The following RIMBP2 variants were observed in gnomAD, a reference collection of about 807,000 sequenced individuals.
RIMBP2 encodes RIMS binding protein 2, also known as RIMS-binding protein 2.
Under a neutral mutation model 118.6 loss-of-function variants are expected in RIMBP2, and 48 were observed. The observed-to-expected ratio is 0.40, with a 90% CI of 0.32 to 0.51. The LOEUF (loss-of-function observed/expected upper bound fraction) is 0.51. Among genes scored for constraint, RIMBP2 ranks in the 20% least tolerant of loss-of-function variants. RIMBP2 has a pLI of 0.41. For synonymous variants in RIMBP2, 762 were observed against 742.9 expected, an observed-to-expected ratio of 1.03 and a Z score of -0.42; for missense variants, 1,551 against 1,768.3, an observed-to-expected ratio of 0.88 and a Z score of 2.20.
chr12:130,596,802 C>T lies in RIMBP2; in HGVS notation c.-217+31520G>A, dbSNP rs117065936. On this transcript the variant is annotated intron_variant, in intron 2 of 22. Coordinates refer to ENST00000690449, the MANE Select transcript of RIMBP2 (RefSeq NM_001393629.1). ...CTTCAGTCAGATTTTTCAAAGATAACCAAACCGTATATCTGAACTAAGTAT... is the reference window on the plus strand; with the variant it reads ...CTTCAGTCAGATTTTTCAAAGATAATCAAACCGTATATCTGAACTAAGTAT... 6.1e-3 allele frequency among the ~76,000 whole-genome samples: 929 copies of T among 152,246 alleles called. 3 individuals carry two copies. Among genetic ancestry groups the T allele is most frequent in the Non-Finnish European group, 0.011 (730 of 68,034 alleles).
intron 2 of RIMBP2, among the ~76,000 whole-genome samples, chr12:130,573,137 T>C (rs1221938385): frequency 6.6e-6 from 1 of 152,188 alleles, no homozygotes; most frequent in African/African-American, 2.4e-5. Context: ...GCAGGCCCCC[T>C]ATAGCAATGG....
chr12:130,670,112 T>C lies in RIMBP2; in HGVS notation c.-351-41656A>G, dbSNP rs376449804. Among the ~76,000 whole-genome samples the C allele has an allele frequency of 6.6e-6, 1 of 151,922 alleles. No homozygotes were observed. Among genetic ancestry groups the C allele is most frequent in the Non-Finnish European group, 1.5e-5 (1 of 67,998 alleles). On this transcript the variant is annotated intron_variant, in intron 1 of 22. Transcript: ENST00000690449. This position sits in a 1 kb window ranked among gnomAD's most constrained non-coding sequence, Gnocchi z 4.9. ...AGATACACAGAAGAGGAGAGGGTAA[T>C]GTGACCCCGGGGGCAGACACTGGAG...
chr12:130,476,781 G>C (rs4759695), intron 5 of RIMBP2, among the ~76,000 whole-genome samples: 2 of 152,138 alleles, frequency 1.3e-5, no homozygotes, highest in African/African-American at 2.4e-5. Flanking sequence ...TGACTTGTTC[G>C]TCTTCCTTTT....
At chr12:130,642,809 C>A (rs896017785) in intron 1 of RIMBP2, among the ~76,000 whole-genome samples, 2 of 152,206 alleles carry the variant, frequency 1.3e-5, no homozygotes, top group East Asian at 3.9e-4. Context: ...CACATTGAAG[C>A]TCACACCAGC....
At chr12:130,552,861 C>G (rs1828945) in intron 2 of RIMBP2, among the ~76,000 whole-genome samples, 1 of 152,190 alleles carries the variant, frequency 6.6e-6, no homozygotes, top group Non-Finnish European at 1.5e-5. Context: ...TCAGAGAAAA[C>G]AGGACAGGTC....
chr12:130,455,852 C>G (rs895048567), intron 7 of RIMBP2, among the ~76,000 whole-genome samples: 1 of 152,028 alleles, frequency 6.6e-6, no homozygotes, highest in African/African-American at 2.4e-5. Flanking sequence ...TCAGCCAGGA[C>G]GTAGCACCTC....
At chr12:130,545,340 C>T (rs1265234407) in intron 2 of RIMBP2, among the ~76,000 whole-genome samples, 2 of 152,028 alleles carry the variant, frequency 1.3e-5, no homozygotes, top group Admixed American at 6.6e-5. Context: ...CCAACGTGTG[C>T]CCTACGTGTA....
chr12:130,682,526 C>T (rs998981772), intron 1 of RIMBP2, among the ~76,000 whole-genome samples: 6 of 152,320 alleles, frequency 3.9e-5, no homozygotes, highest in Admixed American at 3.9e-4. Context: ...TCATGCACGG[C>T]GCACCAGGGG....
At position 130,570,431 on chromosome 12, in the gene RIMBP2, A is replaced by G. The variant is rs141117543; in HGVS notation, c.-216-52514T>C. Among the ~76,000 whole-genome samples, 1,324 of 152,292 alleles carry G rather than the reference A, an allele frequency of 8.7e-3. 15 individuals are homozygous for G. The highest frequency in any genetic ancestry group is 0.03 in the African/African-American group (1,265 of 41,552). ...ACAGAGCTAGACTCTGTCTCAAAAA[A>G]AGAGACCAAACAAAAACCCTGAAAT... On this transcript the variant is annotated intron_variant, in intron 2 of 22. Coordinates refer to ENST00000690449, the MANE Select transcript of RIMBP2 (RefSeq NM_001393629.1).
intron 18 of RIMBP2, among the ~76,000 whole-genome samples, chr12:130,413,556 C>T (rs536087633): frequency 2.6e-4 from 38 of 144,252 alleles, no homozygotes; most frequent in Non-Finnish European, 3.9e-4. Context: ...TCACTTGAAC[C>T]TGGGAAACAG....
intron 4 of RIMBP2, among the ~76,000 whole-genome samples, chr12:130,483,315 G>A (rs187750913): frequency 2.0e-5 from 3 of 152,196 alleles, no homozygotes; most frequent in African/African-American, 7.2e-5. Flanking sequence ...GTGTGTACAC[G>A]GGTCAGCAGT....
intron 6 of RIMBP2, among the ~76,000 whole-genome samples, chr12:130,457,677 G>A (rs922198210): frequency 1.3e-5 from 2 of 152,208 alleles, no homozygotes; most frequent in African/African-American, 2.4e-5. Flanking sequence ...TGGGCTATTC[G>A]TTTCTTGTCG....
At chr12:130,705,120 T>G (rs2632606) in intron 1 of RIMBP2, among the ~76,000 whole-genome samples, 1 of 151,884 alleles carries the variant, frequency 6.6e-6, no homozygotes, top group African/African-American at 2.4e-5. Context: ...CTCCTCTCCG[T>G]GGCCACATTG....
chr12:130,595,021 G>A (rs978239626), intron 2 of RIMBP2, among the ~76,000 whole-genome samples: 4 of 152,172 alleles, frequency 2.6e-5, no homozygotes, highest in East Asian at 1.9e-4. Context: ...CACTGCCTTC[G>A]TTATTAAGGC....
At chr12:130,656,204 T>C (rs1468250921) in intron 1 of RIMBP2, among the ~76,000 whole-genome samples, 2 of 152,094 alleles carry the variant, frequency 1.3e-5, no homozygotes, top group African/African-American at 4.8e-5. Context: ...AAGATGGTTC[T>C]TAAAGGGGTT....
At chr12:130,458,823 T>C (rs1310485053) in intron 6 of RIMBP2, among the ~76,000 whole-genome samples, 1 of 152,018 alleles carries the variant, frequency 6.6e-6, no homozygotes, top group African/African-American at 2.4e-5. Flanking sequence ...GGTGGGCGGA[T>C]CACCTGAGCT....
intron 11 of RIMBP2, 80 bp from the exon 12 acceptor site, chr12:130,438,596 A>T: frequency 1.6e-6 from 2 of 1,238,234 alleles, no homozygotes; most frequent in Non-Finnish European, 2.2e-6. Flanking sequence ...TGCCCATCTC[A>T]CCTGGAAACG....
At chr12:130,478,852 T>C in intron 5 of RIMBP2, 60 bp downstream of exon 5, 8 of 1,278,854 alleles carry the variant, frequency 6.3e-6, no homozygotes, top group East Asian at 2.3e-5. Context: ...ACACCAGGGA[T>C]CCCCGGCCCA....
intron 2 of RIMBP2, among the ~76,000 whole-genome samples, chr12:130,592,722 T>C (rs2059346446): frequency 6.7e-6 from 1 of 150,178 alleles, no homozygotes; most frequent in South Asian, 2.1e-4. Context: ...AGGCAGTTAC[T>C]GAGGGCACAG....
Sources: allele counts gnomAD v4.1 joint callset (sites outside exome capture counted in the v4.1 genomes callset), GRCh38; gene constraint gnomAD v4.1.1; non-coding constraint Gnocchi (gnomAD v3.1); transcripts MANE v1.5; gene names NCBI Gene and HGNC (gene_info 2026-07-23, HGNC 2026-07-21).